The following COL23A1 variants were observed in gnomAD, a reference collection of about 807,000 sequenced individuals.
COL23A1 encodes the protein collagen type XXIII alpha 1 chain, also known as collagen alpha-1(XXIII) chain.
Under a neutral mutation model 99.3 loss-of-function variants are expected in COL23A1, and 97 were observed. The observed-to-expected ratio is 0.98, with a 90% CI of 0.83 to 1.16. The LOEUF (loss-of-function observed/expected upper bound fraction) is 1.16, where lower values mean the gene tolerates loss of function less well. Ranked by LOEUF, COL23A1 falls within the 50% of genes most tolerant of loss-of-function variation. COL23A1 has a pLI of 0.00. For missense variants in COL23A1, 762 were observed against 757.4 expected, an observed-to-expected ratio of 1.01 and a Z score of -0.07; for synonymous variants, 320 against 308.2, an observed-to-expected ratio of 1.04 and a Z score of -0.40.
rs1256642745 is a variant in COL23A1, at chr5:178,257,566, C to T, written c.731G>A (p.Gly244Asp). The T allele has an allele frequency of 1.3e-6, 2 of 1,558,190 alleles. No homozygotes were observed. Among genetic ancestry groups the T allele is most frequent in the South Asian group, 2.4e-5 (2 of 84,448 alleles). Reference protein sequence around the residue: ...KGEPGVPGKKGDDGTPSQPGP... With the variant: ...KGEPGVPGKKDDDGTPSQPGP... ...AGGCTGGCTTGGTGTCCCATCGTCG[C>T]CCTGAGGAGAGGACACCTGGGGCTT... Residue 244 changes from glycine to aspartate, a missense_variant and splice_region_variant, in exon 13 of 29, where the codon GGC (glycine) becomes GAC (aspartate). By Grantham distance (94) the Gly-to-Asp change is moderately conservative (BLOSUM62 -1). Coordinates refer to ENST00000390654, the MANE Select transcript of COL23A1 (RefSeq NM_173465.4).
intron 2 of COL23A1, among the ~76,000 whole-genome samples, chr5:178,516,699 A>G (rs902340512): frequency 6.6e-6 from 1 of 152,084 alleles, no homozygotes; most frequent in Non-Finnish European, 1.5e-5. Context: ...TTCTTAACTC[A>G]GGTGTTGCTT....
intron 2 of COL23A1, among the ~76,000 whole-genome samples, chr5:178,345,520 C>CG (rs1760913650): frequency 6.8e-6 from 1 of 147,868 alleles, no homozygotes; most frequent in Non-Finnish European, 1.5e-5. Context: ...TTTGCTGACA[C>CG]CATTTTTTTT....
rs369073845 is a variant in COL23A1 at position 178,249,356 on chromosome 5, G to A, written c.1060-150C>T. Reference sequence around the variant, plus strand: ...GCCACAGTGGCTGGGAGCCTCACCCGGATGCAGTGGGTGTGGGGCTAGGGC... The same window carrying A: ...GCCACAGTGGCTGGGAGCCTCACCCAGATGCAGTGGGTGTGGGGCTAGGGC... On this transcript the variant is annotated intron_variant, in intron 18 of 28. Transcript: ENST00000390654. 318 of 753,402 alleles carry A rather than the reference G, an allele frequency of 4.2e-4. 5 individuals are homozygous for A. The highest frequency in any genetic ancestry group is 2.3e-3 in the South Asian group (142 of 62,068). The allele number at this position is 753,402 out of a possible 1,614,324, so 46.7% of individuals were successfully genotyped here. A position where few individuals can be genotyped will look rare whatever the true frequency, so the allele number is the denominator to read the frequency against.
chr5:178,274,608 C>A lies in COL23A1; in HGVS notation c.442-4245G>T, dbSNP rs559706362. Among the ~76,000 whole-genome samples, 3 of 152,306 alleles carry A rather than the reference C, an allele frequency of 2.0e-5. No individual in the cohort carries two copies. The South Asian group carries it at 6.2e-4, about 32-fold the overall frequency. ...GGGTCTCCCCTATCTAGGCAGCCCT[C>A]CCCTGCCCCAGACAATAGGGCACCG... On this transcript the variant is annotated intron_variant, in intron 5 of 28. Transcript: ENST00000390654.
intron 3 of COL23A1, among the ~76,000 whole-genome samples, chr5:178,298,660 G>C (rs958656687): frequency 6.6e-6 from 1 of 152,148 alleles, no homozygotes; most frequent in Admixed American, 6.5e-5. Flanking sequence ...CATTCAGCCA[G>C]CTCAGGTAAG....
chr5:178,385,964 C>T (rs898140329), intron 2 of COL23A1, among the ~76,000 whole-genome samples: 1 of 152,122 alleles, frequency 6.6e-6, no homozygotes, highest in African/African-American at 2.4e-5. Context: ...AATGAAAATC[C>T]ATGTGTCCTA....
chr5:178,303,815 T>C (rs762075209), intron 3 of COL23A1, among the ~76,000 whole-genome samples: 1 of 152,122 alleles, frequency 6.6e-6, no homozygotes, highest in Non-Finnish European at 1.5e-5. Flanking sequence ...CATGCTTTGG[T>C]GGAGAAGCAG....
At chr5:178,247,669 A>G in intron 21 of COL23A1, 106 bp downstream of exon 21, 1 of 1,555,508 alleles carries the variant, frequency 6.4e-7, no homozygotes. Flanking sequence ...CCCTCCCTGA[A>G]CGAAGAAGCC....
rs899916918 is a variant in COL23A1 at position 178,384,253 on chromosome 5, G to A, written c.362-77334C>T. On this transcript the variant is annotated intron_variant, in intron 2 of 28. Coordinates refer to ENST00000390654, the MANE Select transcript of COL23A1 (RefSeq NM_173465.4). The surrounding 1 kb of genome is among the most constrained non-coding windows in gnomAD (Gnocchi z 5.5). Reference sequence around the variant, plus strand: ...AGCTGAGCTGCGATCGCAAATGCACGCAGCTCCCCGCCCAGGGCAGTTCTC... The same window carrying A: ...AGCTGAGCTGCGATCGCAAATGCACACAGCTCCCCGCCCAGGGCAGTTCTC... Among the ~76,000 whole-genome samples the A allele has an allele frequency of 1.3e-5, 2 of 152,246 alleles. No individual in the cohort carries two copies. The highest frequency in any genetic ancestry group is 4.8e-5 in the African/African-American group (2 of 41,468).
At chr5:178,418,924 G>A (rs1451718707) in intron 2 of COL23A1, among the ~76,000 whole-genome samples, 1 of 152,168 alleles carries the variant, frequency 6.6e-6, no homozygotes, top group Non-Finnish European at 1.5e-5. Flanking sequence ...CCCCCAGCCT[G>A]CCCCACAGCT....
Position 178,312,624 on chromosome 5 carries a change from G to A in COL23A1, c.362-5705C>T, listed in dbSNP as rs551160021. Among the ~76,000 whole-genome samples, 5 of 140,408 alleles carry A rather than the reference G, an allele frequency of 3.6e-5. No homozygotes were observed. In the South Asian group the frequency reaches 1.3e-3, roughly 37 times the overall value. 92.1% of individuals were successfully genotyped at this position (140,408 alleles called of 152,430 possible). A position where few individuals can be genotyped will look rare whatever the true frequency, so the allele number is the denominator to read the frequency against. On this transcript the variant is annotated intron_variant, in intron 2 of 28. Coordinates refer to ENST00000390654, the MANE Select transcript of COL23A1 (RefSeq NM_173465.4). ...CCCCAAGGACGTCCCCTCTAGCAAT[G>A]CCCGTCTTATCAAGGTCCCTTCACA...
At chr5:178,252,410 C>G (rs1315837925) in intron 17 of COL23A1, 134 bp downstream of exon 17, 7 of 715,334 alleles carry the variant, frequency 9.8e-6, no homozygotes, top group South Asian at 4.3e-5. Context: ...AGCCCAGGCC[C>G]GTTCTCTGAG....
chr5:178,476,703 G>A (rs866131376), intron 2 of COL23A1, among the ~76,000 whole-genome samples: 2 of 152,222 alleles, frequency 1.3e-5, no homozygotes, highest in Non-Finnish European at 2.9e-5. Flanking sequence ...TGCGTGGTGT[G>A]TGCCTGTCAA....
intron 2 of COL23A1, among the ~76,000 whole-genome samples, chr5:178,339,872 A>G (rs775247769): frequency 6.6e-6 from 1 of 152,206 alleles, no homozygotes; most frequent in Non-Finnish European, 1.5e-5. Flanking sequence ...CCTGGCTTTC[A>G]TGGGTAACCT....
intron 2 of COL23A1, among the ~76,000 whole-genome samples, chr5:178,312,983 G>A (rs1758785161): frequency 6.6e-6 from 1 of 152,220 alleles, no homozygotes; most frequent in African/African-American, 2.4e-5. Context: ...AACAGAACGT[G>A]CACTGATACA....
At chr5:178,471,880 C>T (rs971534812) in intron 2 of COL23A1, among the ~76,000 whole-genome samples, 5 of 152,174 alleles carry the variant, frequency 3.3e-5, no homozygotes, top group Non-Finnish European at 5.9e-5. Context: ...CCTTCCACCC[C>T]CTGACTGACT....
rs1307611211 is a variant in COL23A1 at position 178,368,651 on chromosome 5, TGGCCTCCAGAAGCCATC to T, written c.362-61749_362-61733del. 8.3e-3 allele frequency among the ~76,000 whole-genome samples: 1,260 copies of T among 152,264 alleles called. 13 individuals carry two copies. The highest frequency in any genetic ancestry group is 0.028 in the African/African-American group (1,171 of 41,520). On this transcript the variant is annotated intron_variant, in intron 2 of 28. Transcript: ENST00000390654. ...AGCAGGGGAAGAGTGGGGCCAAGCC[TGGCCTCCAGAAGCCATC>T]GGCCTCCAGAAGCCGTCAGCCTCCA...
chr5:178,518,480 G>A (rs1379625610), intron 2 of COL23A1, among the ~76,000 whole-genome samples: 1 of 149,778 alleles, frequency 6.7e-6, no homozygotes, highest in Non-Finnish European at 1.5e-5. Flanking sequence ...CGGCCGGGCA[G>A]AGGCGCCCCT....
At chr5:178,555,910 C>T (rs262014) in intron 2 of COL23A1, among the ~76,000 whole-genome samples, 8,562 of 152,238 alleles carry the variant, frequency 0.056, 572 homozygotes, top group African/African-American at 0.16. Flanking sequence ...GTGTTTGCTG[C>T]GGTAAAGCCC....
Sources: gnomAD v4.1 joint callset for allele counts (sites outside exome capture counted in the v4.1 genomes callset) on GRCh38, gnomAD v4.1.1 for gene constraint, Gnocchi (gnomAD v3.1) non-coding constraint, MANE v1.5 for transcripts, NCBI Gene and HGNC (gene_info 2026-07-23, HGNC 2026-07-21) for gene names.